The following PDSS2 variants were observed in gnomAD, a reference collection of about 807,000 sequenced individuals.
PDSS2 encodes the protein all trans-polyprenyl-diphosphate synthase PDSS2.
A neutral mutation model predicts 44.5 loss-of-function variants in PDSS2; 31 were observed. That is an observed-to-expected ratio of 0.70 (90% CI 0.52 to 0.94). The LOEUF (loss-of-function observed/expected upper bound fraction) is 0.94, where lower values mean the gene tolerates loss of function less well. PDSS2 is among the 40% of genes least tolerant of loss of function. The pLI, the probability that PDSS2 is intolerant of heterozygous loss-of-function variation, is 0.00. For missense variants in PDSS2, 452 were observed against 482.2 expected, an observed-to-expected ratio of 0.94 and a Z score of 0.59; for synonymous variants, 157 against 180.3, an observed-to-expected ratio of 0.87 and a Z score of 1.03.
intron 1 of PDSS2, among the ~76,000 whole-genome samples, chr6:107,348,375 C>A (rs1778321168): frequency 6.6e-6 from 1 of 152,160 alleles, no homozygotes; most frequent in South Asian, 2.1e-4. Flanking sequence ...AAGCTGCTAC[C>A]TTAGTTACTA....
Position 107,170,616 on chromosome 6 carries a change from C to A in PDSS2, c.1042-15839G>T, listed in dbSNP as rs1205254770. The stretch of plus-strand genomic sequence containing the variant: ...GGCCATCTTGGAACCACCCCCCCCC[C>A]CCCACTTTTTTTTTTCTGAGACAGC... On this transcript the variant is annotated intron_variant, in intron 7 of 7. Coordinates refer to ENST00000369037, the MANE Select transcript of PDSS2 (RefSeq NM_020381.4). Among the ~76,000 whole-genome samples the A allele has an allele frequency of 1.0e-4, 11 of 105,308 alleles. No individual in the cohort carries two copies. In the East Asian group the frequency reaches 2.0e-3, roughly 19 times the overall value. 69.1% of individuals were successfully genotyped at this position (105,308 alleles called of 152,430 possible).
intron 7 of PDSS2, among the ~76,000 whole-genome samples, chr6:107,183,981 G>A (rs1052117654): frequency 6.6e-6 from 1 of 150,938 alleles, no homozygotes; most frequent in East Asian, 1.9e-4. Context: ...CCTGGGCAAC[G>A]AGAATTAAAC....
chr6:107,435,260 C>T (rs1409549140), intron 1 of PDSS2, among the ~76,000 whole-genome samples: 1 of 147,336 alleles, frequency 6.8e-6, no homozygotes, highest in Admixed American at 7.0e-5. Context: ...GCCTAGGTGG[C>T]AGAGCAACAT....
In PDSS2 at chr6:107,459,220, G is replaced by C; in HGVS notation, c.66C>G (p.Arg22=). ...RYLGASGSPR[R]LWWSPSLDTI... The stretch of plus-strand genomic sequence containing the variant: ...TGTCGAGGGACGGGGACCACCACAG[G>C]CGACGCGGGGAACCCGAGGCTCCAA... Residue 22 remains arginine, a synonymous_variant, in exon 1 of 8, where the codon CGC becomes CGG. Coordinates refer to ENST00000369037, the MANE Select transcript of PDSS2 (RefSeq NM_020381.4). This position sits in a 1 kb window ranked among gnomAD's most constrained non-coding sequence, Gnocchi z 4.3. 6.2e-7 allele frequency: 1 copy of C among 1,614,146 alleles called. No homozygotes were observed. The highest frequency in any genetic ancestry group is 8.5e-7 in the Non-Finnish European group (1 of 1,180,020).
intron 3 of PDSS2, among the ~76,000 whole-genome samples, chr6:107,260,924 A>C (rs185045717): frequency 1.3e-5 from 2 of 152,234 alleles, no homozygotes; most frequent in Admixed American, 6.5e-5. Context: ...AGACACCCAA[A>C]GTGCTGGGAT....
chr6:107,247,839 T>TAAAAA (rs10648723), intron 3 of PDSS2, among the ~76,000 whole-genome samples: 7 of 88,004 alleles, frequency 8.0e-5, no homozygotes, highest in East Asian at 3.4e-4. Flanking sequence ...CTGTCTCTAC[T>TAAAAA]AAAAAAAAAA....
In PDSS2 at chr6:107,172,533, G is replaced by A. The variant is rs143352585; in HGVS notation, c.1042-17756C>T. On this transcript the variant is annotated intron_variant, in intron 7 of 7. Transcript: ENST00000369037. Reference sequence around the variant, plus strand: ...ATTGCGCCATTGCACTTGAGTCAAGGCAACAAGAGTGAAACTCCGTCTCAA... The same window carrying A: ...ATTGCGCCATTGCACTTGAGTCAAGACAACAAGAGTGAAACTCCGTCTCAA... Among the ~76,000 whole-genome samples the A allele has an allele frequency of 2.0e-5, 3 of 152,138 alleles. No homozygotes were observed. The East Asian group carries it at 5.8e-4, about 29-fold the overall frequency.
intron 1 of PDSS2, among the ~76,000 whole-genome samples, chr6:107,367,795 T>A (rs1226825926): frequency 1.0e-5 from 1 of 96,584 alleles, no homozygotes; most frequent in Non-Finnish European, 2.0e-5. Flanking sequence ...AGAGTGGAAC[T>A]CTGTCTCAAA....
chr6:107,170,304 C>T (rs1422623169), intron 7 of PDSS2, among the ~76,000 whole-genome samples: 1 of 152,150 alleles, frequency 6.6e-6, no homozygotes, highest in Non-Finnish European at 1.5e-5. Context: ...TCCTAGTGTG[C>T]CGTTTGCTAA....
intron 3 of PDSS2, among the ~76,000 whole-genome samples, chr6:107,255,415 C>T (rs1276016590): frequency 6.6e-6 from 1 of 151,886 alleles, no homozygotes; most frequent in African/African-American, 2.4e-5. Context: ...TGGTCTCAAA[C>T]TCCTAGCCTC....
chr6:107,239,830 C>T (rs1488676336), intron 4 of PDSS2, among the ~76,000 whole-genome samples: 4 of 151,756 alleles, frequency 2.6e-5, no homozygotes, highest in Non-Finnish European at 5.9e-5. Flanking sequence ...TTAGCAGAGA[C>T]ACGGTTTCAC....
intron 4 of PDSS2, among the ~76,000 whole-genome samples, chr6:107,234,880 C>A (rs1248758405): frequency 1.3e-5 from 2 of 152,062 alleles, no homozygotes; most frequent in Non-Finnish European, 2.9e-5. Flanking sequence ...TTATAAAAGT[C>A]ATTATAACAT....
chr6:107,226,615 A>G (rs908007665), intron 4 of PDSS2, among the ~76,000 whole-genome samples: 5 of 151,976 alleles, frequency 3.3e-5, no homozygotes, highest in Admixed American at 6.6e-5. Flanking sequence ...CTGGAGGGAC[A>G]GACTGAGGTC....
At chr6:107,274,539 T>G (rs1775711141) in intron 2 of PDSS2, among the ~76,000 whole-genome samples, 1 of 152,192 alleles carries the variant, frequency 6.6e-6, no homozygotes, top group Non-Finnish European at 1.5e-5. Context: ...CTTGGTATAC[T>G]TTCCTCACGC....
intron 2 of PDSS2, among the ~76,000 whole-genome samples, chr6:107,322,778 G>A (rs1042188258): frequency 7.2e-5 from 11 of 152,102 alleles, no homozygotes; most frequent in African/African-American, 2.4e-4. Flanking sequence ...AGCCATTATC[G>A]TTCCACTGCA....
chr6:107,232,145 G>C (rs1160833859), intron 4 of PDSS2, among the ~76,000 whole-genome samples: 1 of 152,144 alleles, frequency 6.6e-6, no homozygotes, highest in Non-Finnish European at 1.5e-5. Flanking sequence ...AACTAAAACA[G>C]AGTAATAACT....
intron 6 of PDSS2, among the ~76,000 whole-genome samples, chr6:107,198,233 G>A (rs1166748056): frequency 1.3e-5 from 2 of 152,162 alleles, no homozygotes; most frequent in Non-Finnish European, 2.9e-5. Context: ...CTGTCACCCA[G>A]TAGGGACACA....
chr6:107,364,012 C>G (rs1778874121), intron 1 of PDSS2, among the ~76,000 whole-genome samples: 1 of 152,084 alleles, frequency 6.6e-6, no homozygotes, highest in African/African-American at 2.4e-5. Flanking sequence ...CTGAGCTAGA[C>G]ATAAAGGTTC....
chr6:107,396,025 C>T (rs944671464), intron 1 of PDSS2, among the ~76,000 whole-genome samples: 3 of 152,136 alleles, frequency 2.0e-5, no homozygotes, highest in African/African-American at 7.2e-5. Flanking sequence ...AATATCTCCC[C>T]CAAAGAACCC....
Sources: gnomAD v4.1 joint callset for allele counts (sites outside exome capture counted in the v4.1 genomes callset) on GRCh38, gnomAD v4.1.1 for gene constraint, Gnocchi (gnomAD v3.1) non-coding constraint, MANE v1.5 for transcripts, NCBI Gene and HGNC (gene_info 2026-07-23, HGNC 2026-07-21) for gene names.